The following KCND2 variants were observed in gnomAD, a reference collection of about 807,000 sequenced individuals.
KCND2 encodes the protein A-type voltage-gated potassium channel KCND2.
In KCND2, 16 loss-of-function variants were observed where a neutral mutation model predicts 54.4. That is an observed-to-expected ratio of 0.29 (90% CI 0.20 to 0.45). The LOEUF (loss-of-function observed/expected upper bound fraction) is 0.45, where lower values mean the gene tolerates loss of function less well. Ranked by LOEUF, KCND2 falls within the 20% of genes least tolerant of loss-of-function variation. KCND2 has a pLI of 1.00. For missense variants in KCND2, 486 were observed against 824.2 expected (o/e 0.59, Z 5.02); for synonymous variants, 317 against 310.7 (o/e 1.02, Z -0.21).
At chr7:120,311,824 G>A (rs1004648304) in intron 1 of KCND2, among the ~76,000 whole-genome samples, 2 of 152,056 alleles carry the variant, frequency 1.3e-5, no homozygotes, top group Admixed American at 1.3e-4. Context: ...TGCTGTATTT[G>A]TTTTCTGTTC....
At chr7:120,520,910 G>C (rs1791683883) in intron 1 of KCND2, among the ~76,000 whole-genome samples, 1 of 152,076 alleles carries the variant, frequency 6.6e-6, no homozygotes. Context: ...TTCATCTTGT[G>C]GTTCTACCAA....
chr7:120,618,723 A>G (rs1174674609), intron 1 of KCND2, among the ~76,000 whole-genome samples: 1 of 152,236 alleles, frequency 6.6e-6, no homozygotes, highest in African/African-American at 2.4e-5. Flanking sequence ...AGGGTAAACT[A>G]ATTTTATTCA....
At chr7:120,365,494 T>C (rs1386513938) in intron 1 of KCND2, among the ~76,000 whole-genome samples, 5 of 152,100 alleles carry the variant, frequency 3.3e-5, no homozygotes, top group African/African-American at 1.2e-4. Flanking sequence ...TTTTCTCTTT[T>C]CAGTCCCTAT....
chr7:120,629,468 A>T (rs569854884), intron 1 of KCND2, among the ~76,000 whole-genome samples: 162 of 152,246 alleles, frequency 1.1e-3, no homozygotes, highest in Non-Finnish European at 1.9e-3. Context: ...CCTGGGCGAC[A>T]GAGCGAGACT....
intron 1 of KCND2, among the ~76,000 whole-genome samples, chr7:120,314,995 C>T (rs1477977409): frequency 6.6e-6 from 1 of 151,744 alleles, no homozygotes. Context: ...CACATGCACA[C>T]ATACACACAC....
chr7:120,346,755 A>G (rs1800323714), intron 1 of KCND2, among the ~76,000 whole-genome samples: 1 of 150,452 alleles, frequency 6.6e-6, no homozygotes, highest in Admixed American at 6.6e-5. Flanking sequence ...CTCTTCCTTT[A>G]CCAGTGTCTT....
At chr7:120,689,870 A>G (rs1792248376) in intron 1 of KCND2, among the ~76,000 whole-genome samples, 1 of 152,204 alleles carries the variant, frequency 6.6e-6, no homozygotes, top group African/African-American at 2.4e-5. Context: ...TCCTTCAGCT[A>G]AGCCACGGGC....
At chr7:120,597,500 A>G (rs1792760313) in intron 1 of KCND2, among the ~76,000 whole-genome samples, 1 of 152,214 alleles carries the variant, frequency 6.6e-6, no homozygotes, top group African/African-American at 2.4e-5. Context: ...GTCAGCTGAT[A>G]TAAATGCTAT....
chr7:120,513,245 T>G (rs760257859), intron 1 of KCND2, among the ~76,000 whole-genome samples: 1 of 152,170 alleles, frequency 6.6e-6, no homozygotes, highest in Admixed American at 6.6e-5. Flanking sequence ...TTTCGACATA[T>G]GTACCTGAAG....
intron 1 of KCND2, among the ~76,000 whole-genome samples, chr7:120,294,986 ACT>A (rs1306044991): frequency 6.6e-6 from 1 of 151,566 alleles, no homozygotes; most frequent in Non-Finnish European, 1.5e-5. Flanking sequence ...TTGTTCTGAT[ACT>A]CTGGGCATTG....
intron 1 of KCND2, among the ~76,000 whole-genome samples, chr7:120,518,125 T>C (rs1340943241): frequency 1.3e-5 from 2 of 152,152 alleles, no homozygotes; most frequent in Non-Finnish European, 2.9e-5. Flanking sequence ...TCTGGGGAAT[T>C]AAAAAATGAA....
intron 1 of KCND2, among the ~76,000 whole-genome samples, chr7:120,629,070 T>A (rs1421839513): frequency 6.6e-6 from 1 of 152,220 alleles, no homozygotes; most frequent in Non-Finnish European, 1.5e-5. Context: ...AGATGTCATT[T>A]CATGAATGGC....
At chr7:120,403,038 T>C (rs1801287685) in intron 1 of KCND2, among the ~76,000 whole-genome samples, 1 of 152,154 alleles carries the variant, frequency 6.6e-6, no homozygotes, top group Non-Finnish European at 1.5e-5. Context: ...TTAAACGTTT[T>C]TGCTTTCCAC....
intron 4 of KCND2, among the ~76,000 whole-genome samples, chr7:120,745,445 C>T (rs1464639385): frequency 6.6e-6 from 1 of 151,710 alleles, no homozygotes. Context: ...TGGGTTTTAT[C>T]TATATGCATT....
chr7:120,458,399 G>C (rs960172917), intron 1 of KCND2, among the ~76,000 whole-genome samples: 2 of 152,150 alleles, frequency 1.3e-5, no homozygotes, highest in African/African-American at 4.8e-5. Flanking sequence ...AGATGAGAGA[G>C]TTGTCACAAC....
chr7:120,714,477 C>A (rs548436545), intron 1 of KCND2, among the ~76,000 whole-genome samples: 1 of 152,256 alleles, frequency 6.6e-6, no homozygotes, highest in East Asian at 1.9e-4. Context: ...TTGCAAATAT[C>A]TCTCCACAGA....
chr7:120,539,431 G>A (rs1382291107), intron 1 of KCND2, among the ~76,000 whole-genome samples: 1 of 152,142 alleles, frequency 6.6e-6, no homozygotes, highest in Non-Finnish European at 1.5e-5. Context: ...GCACATGATA[G>A]AAAAACAGGG....
chr7:120,722,582 C>A (rs1024757961), intron 1 of KCND2, among the ~76,000 whole-genome samples: 79 of 152,140 alleles, frequency 5.2e-4, no homozygotes, highest in Admixed American at 7.9e-4. Flanking sequence ...CCTTCTTTGG[C>A]AGAATTAGAA....
intron 1 of KCND2, among the ~76,000 whole-genome samples, chr7:120,407,836 T>C (rs1408314411): frequency 6.6e-6 from 1 of 151,860 alleles, no homozygotes; most frequent in Admixed American, 6.6e-5. Flanking sequence ...TCTACATTTC[T>C]CAAACATACT....
Sources: allele counts gnomAD v4.1 joint callset (sites outside exome capture counted in the v4.1 genomes callset), GRCh38; gene constraint gnomAD v4.1.1; transcripts MANE v1.5; gene names NCBI Gene and HGNC (gene_info 2026-07-23, HGNC 2026-07-21).